SEMA5B: variants seen among roughly 807,000 people sequenced by gnomAD.
SEMA5B encodes semaphorin-5B.
Under a neutral mutation model 135.0 loss-of-function variants are expected in SEMA5B, and 66 were observed. That is an observed-to-expected ratio of 0.49 (90% CI 0.40 to 0.60). SEMA5B has a LOEUF of 0.60. Among genes scored for constraint, SEMA5B ranks in the 20% least tolerant of loss-of-function variants. The probability of loss-of-function intolerance (pLI) is 0.00; values close to 1 mark genes in which losing one functional copy is unlikely to be tolerated. For synonymous variants in SEMA5B, 690 were observed against 639.5 expected, an observed-to-expected ratio of 1.08 and a Z score of -1.19; for missense variants, 1,501 against 1,566.3, an observed-to-expected ratio of 0.96 and a Z score of 0.70.
At chr3:122,962,263 C>T (rs987450354) in intron 1 of SEMA5B, among the ~76,000 whole-genome samples, 2 of 152,342 alleles carry the variant, frequency 1.3e-5, no homozygotes, top group Middle Eastern at 3.4e-3. Flanking sequence ...ACATTTCTGG[C>T]ATCCAGAGAC....
rs888979188 is a variant in SEMA5B, at chr3:122,912,961, G to A, written c.2607C>T (p.Cys869=). Residue 869 remains cysteine (C), a synonymous_variant, in exon 18 of 23, where the codon TGC becomes TGT. Transcript: ENST00000357599. The part of the protein sequence containing the change: ...WGPWSSCSRD[C]ELGFRVRKRT... ...TCTTGCGGACGCGGAAGCCCAGCTCGCAGTCCCGGGAGCAGGACGACCACG... is the reference window on the plus strand; with the variant it reads ...TCTTGCGGACGCGGAAGCCCAGCTCACAGTCCCGGGAGCAGGACGACCACG... 4 of 1,612,046 alleles carry A rather than the reference G, an allele frequency of 2.5e-6. No homozygotes were observed. Among genetic ancestry groups the A allele is most frequent in the South Asian group, 1.1e-5 (1 of 90,960 alleles).
Position 123,013,414 on chromosome 3 carries a change from C to T in SEMA5B, c.-39+14050G>A, listed in dbSNP as rs1022799676. ...CCGGTTCACTTGGTACCTTGAGGTC[C>T]CAGGTACTTTTCCAGGTGACCTGCT... On this transcript the variant is annotated intron_variant, in intron 1 of 22. Coordinates refer to ENST00000357599, the MANE Select transcript of SEMA5B (RefSeq NM_001031702.4). Among the ~76,000 whole-genome samples, 3 of 152,308 alleles carry T rather than the reference C, an allele frequency of 2.0e-5. No homozygotes were observed. The East Asian group carries it at 5.8e-4, about 29-fold the overall frequency.
intron 1 of SEMA5B, among the ~76,000 whole-genome samples, chr3:123,011,726 A>G (rs1249970187): frequency 6.6e-6 from 1 of 152,200 alleles, no homozygotes; most frequent in Non-Finnish European, 1.5e-5. Context: ...AGAGGCCACA[A>G]GAGAGGGACA....
chr3:122,999,041 T>G (rs1942100283), intron 1 of SEMA5B, among the ~76,000 whole-genome samples: 1 of 152,112 alleles, frequency 6.6e-6, no homozygotes, highest in Non-Finnish European at 1.5e-5. Context: ...CAGCTAGTGA[T>G]GGAGTCGGAG....
intron 1 of SEMA5B, among the ~76,000 whole-genome samples, chr3:123,011,523 G>A (rs1441124983): frequency 2.6e-5 from 4 of 152,192 alleles, no homozygotes; most frequent in Non-Finnish European, 5.9e-5. Flanking sequence ...CTGAATTCAG[G>A]CCCAGCTGGA....
In SEMA5B at chr3:122,913,689, C is replaced by A. The variant is rs985759757; in HGVS notation, c.2133-8G>T. The A allele has an allele frequency of 1.2e-6, 2 of 1,612,628 alleles. No homozygotes were observed. ...GTGTTCTCATTACAGAACCTGGGGT[C>A]GGGGGAGAGGCGTCAATCCAGGGAG... On this transcript the variant is annotated splice_region_variant and splice_polypyrimidine_tract_variant and intron_variant, in intron 15 of 22. Transcript: ENST00000357599.
chr3:123,023,568 G>C (rs897788335), intron 1 of SEMA5B, among the ~76,000 whole-genome samples: 1 of 152,228 alleles, frequency 6.6e-6, no homozygotes, highest in South Asian at 2.1e-4. Context: ...GATGAGTGAG[G>C]AATCTGAGGC....
chr3:122,958,900 G>A (rs1045657377), intron 2 of SEMA5B, among the ~76,000 whole-genome samples: 15 of 152,142 alleles, frequency 9.9e-5, no homozygotes, highest in African/African-American at 1.7e-4. Flanking sequence ...TCCAAGTCAC[G>A]CATGTGTGTC....
chr3:122,943,850 C>A (rs1355585215), intron 3 of SEMA5B, among the ~76,000 whole-genome samples: 1 of 152,156 alleles, frequency 6.6e-6, no homozygotes, highest in African/African-American at 2.4e-5. Flanking sequence ...GTAAATCCTG[C>A]CTGTTCTACC....
intron 12 of SEMA5B, among the ~76,000 whole-genome samples, chr3:122,918,774 G>A (rs1938200259): frequency 6.6e-6 from 1 of 152,176 alleles, no homozygotes; most frequent in South Asian, 2.1e-4. Flanking sequence ...CTCTCTTCTT[G>A]TGAATAAAAG....
rs752362018 is a variant in SEMA5B at position 122,927,902 on chromosome 3, C to A, written c.738G>T (p.Glu246Asp). 6.3e-7 allele frequency: 1 copy of A among 1,595,756 alleles called. No individual in the cohort carries two copies. The highest frequency in any genetic ancestry group is 1.1e-5 in the South Asian group (1 of 87,970). Residue 246 changes from glutamate to aspartate, a missense_variant, in exon 8 of 23, where the codon GAG becomes GAT. Around this residue, in one of 2 missense-constraint regions of SEMA5B, gnomAD observed 574 missense variants for 684.7 expected, o/e 0.84. Transcript: ENST00000357599. Reference sequence around the variant, plus strand: ...AGTCGATGACCGTGGCTGCATAGAGCTCCCCCTGGGAGGAGATGACAGCTG... The same window carrying A: ...AGTCGATGACCGTGGCTGCATAGAGATCCCCCTGGGAGGAGATGACAGCTG... ...NSTAVISSQG[E>D]LYAATVIDFS... is the part of the protein sequence containing the mutation.
At chr3:122,933,299 G>A (rs1457046560) in intron 5 of SEMA5B, among the ~76,000 whole-genome samples, 1 of 151,996 alleles carries the variant, frequency 6.6e-6, no homozygotes, top group Non-Finnish European at 1.5e-5. Flanking sequence ...ATTCTTGCAT[G>A]TCTGATTTAT....
At chr3:122,928,093 C>A in intron 7 of SEMA5B, 90 bp from the exon 8 acceptor site, 1 of 925,442 alleles carries the variant, frequency 1.1e-6, no homozygotes, top group Non-Finnish European at 1.6e-6. Context: ...TCCTGTGCCC[C>A]AGTCTCTCTG....
chr3:122,912,952 G>A lies in SEMA5B; in HGVS notation c.2616C>T (p.Gly872=). 1 of 1,612,574 alleles carries A rather than the reference G, an allele frequency of 6.2e-7. No homozygotes were observed. Among genetic ancestry groups the A allele is most frequent in the Non-Finnish European group, 8.5e-7 (1 of 1,179,430 alleles). ...TGCACGTTCTCTTGCGGACGCGGAA[G>A]CCCAGCTCGCAGTCCCGGGAGCAGG... ...WSSCSRDCEL[G]FRVRKRTCTN... Residue 872 remains glycine (G), a synonymous_variant, in exon 18 of 23, where the codon GGC becomes GGT. Coordinates refer to ENST00000357599, the MANE Select transcript of SEMA5B (RefSeq NM_001031702.4).
At chr3:122,948,821 G>T in intron 2 of SEMA5B, 112 bp from the exon 3 acceptor site, 3 of 851,004 alleles carry the variant, frequency 3.5e-6, no homozygotes, top group Non-Finnish European at 5.3e-6. Context: ...AATTTCTATT[G>T]TATTTATGTT....
At chr3:122,956,981 C>A (rs1216198256) in intron 2 of SEMA5B, among the ~76,000 whole-genome samples, 1 of 152,184 alleles carries the variant, frequency 6.6e-6, no homozygotes, top group Non-Finnish European at 1.5e-5. Flanking sequence ...GCATTCCAGA[C>A]AGAGGGCACA....
chr3:122,996,352 C>T (rs1045920315), intron 1 of SEMA5B, among the ~76,000 whole-genome samples: 1 of 152,234 alleles, frequency 6.6e-6, no homozygotes, highest in Non-Finnish European at 1.5e-5. Context: ...TTTGGCACCA[C>T]GGCTGCTCTA....
chr3:122,978,483 T>C (rs10934629), intron 1 of SEMA5B, among the ~76,000 whole-genome samples: 16,138 of 152,208 alleles, frequency 0.11, 904 homozygotes, highest in Middle Eastern at 0.17. Context: ...AGCTAGGTTT[T>C]TTCTTTTAAT....
chr3:122,953,702 T>C (rs994227615), intron 2 of SEMA5B, among the ~76,000 whole-genome samples: 3 of 152,178 alleles, frequency 2.0e-5, no homozygotes, highest in Non-Finnish European at 4.4e-5. Context: ...GCAGGTATCA[T>C]ACTGAAAAAA....
Sources: gnomAD v4.1 joint callset for allele counts (sites outside exome capture counted in the v4.1 genomes callset) on GRCh38, gnomAD v4.1.1 for gene constraint, gnomAD v4.1.1 regional missense constraint, MANE v1.5 for transcripts, NCBI Gene and HGNC (gene_info 2026-07-23, HGNC 2026-07-21) for gene names.